RBFOX1: variants seen among roughly 807,000 people sequenced by gnomAD.
The protein encoded by RBFOX1 is RNA binding fox-1 homolog 1.
In RBFOX1, 8 loss-of-function variants were observed where a neutral mutation model predicts 57.7. The ratio of observed to expected loss-of-function variants is 0.14; its 90% CI spans 0.08 to 0.25. The LOEUF (loss-of-function observed/expected upper bound fraction) is 0.25, where lower values mean the gene tolerates loss of function less well. RBFOX1 is among the 10% of genes least tolerant of loss of function. The pLI is 1.00. For synonymous variants in RBFOX1, 326 were observed against 222.4 expected, an observed-to-expected ratio of 1.47 and a Z score of -4.15; for missense variants, 611 against 548.5, an observed-to-expected ratio of 1.11 and a Z score of -1.14.
At chr16:6,858,600 C>A (rs530306990) in intron 3 of RBFOX1, among the ~76,000 whole-genome samples, 6 of 152,194 alleles carry the variant, frequency 3.9e-5, no homozygotes, top group Admixed American at 3.9e-4. Context: ...TGATTTCATT[C>A]TCTTTATGTG....
At chr16:6,951,057 C>A (rs1387939999) in intron 3 of RBFOX1, among the ~76,000 whole-genome samples, 1 of 152,062 alleles carries the variant, frequency 6.6e-6, no homozygotes, top group Non-Finnish European at 1.5e-5. Flanking sequence ...AGGCACGTAT[C>A]ACCATGCCCA....
intron 1 of RBFOX1, among the ~76,000 whole-genome samples, chr16:5,252,919 C>G (rs1297677645): frequency 1.3e-5 from 2 of 152,168 alleles, no homozygotes; most frequent in African/African-American, 2.4e-5. Flanking sequence ...TAAACCACCC[C>G]AAACAAATAA....
intron 4 of RBFOX1, among the ~76,000 whole-genome samples, chr16:7,121,380 C>G (rs1342228591): frequency 6.6e-6 from 1 of 151,990 alleles, no homozygotes; most frequent in Non-Finnish European, 1.5e-5. Context: ...AACTCTAAAA[C>G]CTCTTAGGTG....
At chr16:7,347,315 A>G (rs569982622) in intron 4 of RBFOX1, among the ~76,000 whole-genome samples, 1 of 152,270 alleles carries the variant, frequency 6.6e-6, no homozygotes, top group East Asian at 1.9e-4. Context: ...AGCCCTCACA[A>G]TCATGTTGGA....
At chr16:7,582,451 C>G (rs527259920) in intron 6 of RBFOX1, among the ~76,000 whole-genome samples, 9 of 152,306 alleles carry the variant, frequency 5.9e-5, no homozygotes, top group African/African-American at 2.2e-4. Context: ...TTTACAACCA[C>G]TATTCTAAAG....
At chr16:6,516,948 A>G (rs1356318352) in intron 2 of RBFOX1, among the ~76,000 whole-genome samples, 1 of 152,154 alleles carries the variant, frequency 6.6e-6, no homozygotes, top group Non-Finnish European at 1.5e-5. Context: ...TCCTCCACAA[A>G]TATGCTCTGG....
intron 4 of RBFOX1, among the ~76,000 whole-genome samples, chr16:5,917,283 G>C (rs1244609642): frequency 2.0e-5 from 3 of 152,092 alleles, no homozygotes; most frequent in Admixed American, 6.5e-5. Flanking sequence ...TGATAATATT[G>C]ATAATAACAT....
intron 1 of RBFOX1, among the ~76,000 whole-genome samples, chr16:6,106,547 C>T (rs867160380): frequency 1.3e-5 from 2 of 151,694 alleles, no homozygotes; most frequent in Non-Finnish European, 1.5e-5. Flanking sequence ...AATGGGTTGA[C>T]CTTCAATGAG....
intron 10 of RBFOX1, among the ~76,000 whole-genome samples, chr16:7,618,348 C>T (rs555429573): frequency 1.3e-5 from 2 of 152,128 alleles, no homozygotes; most frequent in East Asian, 1.9e-4. Flanking sequence ...CTAATATGTG[C>T]GTGAAGCCCT....
At chr16:5,651,576 A>G (rs1199512602) in intron 3 of RBFOX1, among the ~76,000 whole-genome samples, 1 of 152,052 alleles carries the variant, frequency 6.6e-6, no homozygotes, top group Non-Finnish European at 1.5e-5. Flanking sequence ...GGGGGAAATG[A>G]GCACCCCGTC....
chr16:7,190,778 A>G (rs2085179177), intron 4 of RBFOX1, among the ~76,000 whole-genome samples: 1 of 152,188 alleles, frequency 6.6e-6, no homozygotes. Flanking sequence ...GGTTTATGGC[A>G]TTGCTCATAT....
At chr16:5,702,642 C>G (rs1442371695) in intron 3 of RBFOX1, among the ~76,000 whole-genome samples, 1 of 152,170 alleles carries the variant, frequency 6.6e-6, no homozygotes, top group Non-Finnish European at 1.5e-5. Context: ...TAACAATAAG[C>G]TTCTATAACC....
At chr16:7,214,370 G>T (rs552273292) in intron 4 of RBFOX1, among the ~76,000 whole-genome samples, 2 of 152,210 alleles carry the variant, frequency 1.3e-5, no homozygotes, top group South Asian at 2.1e-4. Flanking sequence ...CATGATCGGG[G>T]TGCTCAAGCT....
Position 7,671,553 on chromosome 16 carries a change from A to G in RBFOX1, c.931-5221A>G, listed in dbSNP as rs1192003172. The G allele has an allele frequency of 4.4e-6, 7 of 1,607,970 alleles. No individual in the cohort carries two copies. Among genetic ancestry groups the G allele is most frequent in the Middle Eastern group, 1.7e-4 (1 of 6,054 alleles). On this transcript the variant is annotated intron_variant, in intron 13 of 15. Coordinates refer to ENST00000550418, the MANE Select transcript of RBFOX1 (RefSeq NM_018723.4). ...GAAAACATTACATTTCTGTTTCCTT[A>G]TAGAGTAGTGTATCAAGAGCCTGTG...
intron 5 of RBFOX1, among the ~76,000 whole-genome samples, chr16:7,524,639 T>G (rs1425651675): frequency 6.6e-6 from 1 of 152,196 alleles, no homozygotes; most frequent in Non-Finnish European, 1.5e-5. Context: ...AGAAGGAATG[T>G]GGGTGCCCCA....
At chr16:6,357,046 G>C (rs2087459715) in intron 2 of RBFOX1, among the ~76,000 whole-genome samples, 1 of 152,050 alleles carries the variant, frequency 6.6e-6, no homozygotes, top group South Asian at 2.1e-4. Flanking sequence ...TGCACCCGGG[G>C]ACCTCTATTT....
chr16:6,263,092 GGT>G (rs1397709649), intron 1 of RBFOX1, among the ~76,000 whole-genome samples: 1 of 152,152 alleles, frequency 6.6e-6, no homozygotes, highest in East Asian at 1.9e-4. Context: ...GGAAAAGTTT[GGT>G]GTGTTTAGGA....
At chr16:6,344,203 G>T (rs1211525322) in intron 2 of RBFOX1, among the ~76,000 whole-genome samples, 2 of 151,740 alleles carry the variant, frequency 1.3e-5, no homozygotes, top group Non-Finnish European at 2.9e-5. Flanking sequence ...GGTGCCTGCT[G>T]CCACACCCGG....
At chr16:5,276,729 C>A (rs1170235213) in intron 1 of RBFOX1, among the ~76,000 whole-genome samples, 1 of 152,122 alleles carries the variant, frequency 6.6e-6, no homozygotes, top group African/African-American at 2.4e-5. Flanking sequence ...TTGCAGTGAG[C>A]TGATATACTC....
Sources: gnomAD v4.1 joint callset for allele counts (sites outside exome capture counted in the v4.1 genomes callset) on GRCh38, gnomAD v4.1.1 for gene constraint, MANE v1.5 for transcripts, NCBI Gene and HGNC (gene_info 2026-07-23, HGNC 2026-07-21) for gene names.